Variants in MSI2 observed in about 807,000 individuals in gnomAD.
MSI2 encodes musashi RNA binding protein 2.
In MSI2, 17 loss-of-function variants were observed where a neutral mutation model predicts 45.6. The observed-to-expected ratio is 0.37, with a 90% CI of 0.26 to 0.56. MSI2 has a LOEUF of 0.56. MSI2 is among the 20% of genes least tolerant of loss of function. The pLI is 0.77. For missense variants in MSI2, 293 were observed against 444.2 expected (o/e 0.66, Z 3.06); for synonymous variants, 156 against 158.2 (o/e 0.99, Z 0.11).
At chr17:57,540,196 A>G (rs1156310920) in intron 7 of MSI2, among the ~76,000 whole-genome samples, 1 of 152,242 alleles carries the variant, frequency 6.6e-6, no homozygotes, top group Non-Finnish European at 1.5e-5. Flanking sequence ...TAAGTGAGAT[A>G]GTTTATCTGT....
intron 5 of MSI2, among the ~76,000 whole-genome samples, chr17:57,394,436 C>A (rs1184114232): frequency 6.6e-6 from 1 of 152,148 alleles, no homozygotes; most frequent in Non-Finnish European, 1.5e-5. Flanking sequence ...TCAGGCCTGG[C>A]CCACAGATGA....
chr17:57,578,479 G>C (rs1384175869), intron 7 of MSI2, among the ~76,000 whole-genome samples: 3 of 151,790 alleles, frequency 2.0e-5, no homozygotes, highest in African/African-American at 4.8e-5. Context: ...GCCAGGACTG[G>C]GGGGGTAGGA....
intron 6 of MSI2, among the ~76,000 whole-genome samples, chr17:57,518,278 A>T (rs2143987005): frequency 6.6e-6 from 1 of 152,232 alleles, no homozygotes; most frequent in East Asian, 1.9e-4. Flanking sequence ...TAAAATTGGG[A>T]TTGGAACCAA....
intron 5 of MSI2, among the ~76,000 whole-genome samples, chr17:57,282,835 C>T (rs868596385): frequency 4.3e-5 from 4 of 92,754 alleles, no homozygotes; most frequent in African/African-American, 4.3e-5. Context: ...GGGGGGCAGA[C>T]TTTTTTTTTT....
chr17:57,628,392 C>G (rs934372803), intron 10 of MSI2: 2 of 152,144 alleles, frequency 1.3e-5, no homozygotes, highest in African/African-American at 4.8e-5. Flanking sequence ...TTGCCTCAGA[C>G]CAAGCATTGG....
At chr17:57,378,273 AT>A (rs891665151) in intron 5 of MSI2, among the ~76,000 whole-genome samples, 3 of 150,830 alleles carry the variant, frequency 2.0e-5, no homozygotes, top group Admixed American at 6.6e-5. Context: ...TGTTTTTATT[AT>A]TTTTTTTGAG....
chr17:57,307,356 G>C (rs1481994663), intron 5 of MSI2, among the ~76,000 whole-genome samples: 4 of 152,304 alleles, frequency 2.6e-5, no homozygotes, highest in Middle Eastern at 6.8e-3. Flanking sequence ...CCAGGAAGAA[G>C]CAATTCTGCT....
intron 6 of MSI2, among the ~76,000 whole-genome samples, chr17:57,432,827 C>T (rs2084623176): frequency 6.6e-6 from 1 of 152,186 alleles, no homozygotes; most frequent in Non-Finnish European, 1.5e-5. Context: ...GTGTTCACTC[C>T]TTCTCTCTTC....
chr17:57,694,593 A>C, the MSI2 span, among the ~76,000 whole-genome samples: 1 of 152,196 alleles, frequency 6.6e-6, no homozygotes, highest in Non-Finnish European at 1.5e-5. Flanking sequence ...CTTTTTGGCA[A>C]AATACCTTTT....
At chr17:57,659,582 A>G (rs1291511932) in intron 11 of MSI2, among the ~76,000 whole-genome samples, 1 of 152,170 alleles carries the variant, frequency 6.6e-6, no homozygotes, top group Non-Finnish European at 1.5e-5. Flanking sequence ...GTTACCGGAG[A>G]GCAAGGCTTT....
chr17:57,293,252 A>G (rs1200546104), intron 5 of MSI2, among the ~76,000 whole-genome samples: 2 of 152,032 alleles, frequency 1.3e-5, no homozygotes, highest in African/African-American at 4.8e-5. Context: ...TCAGGGCCCT[A>G]CTGTTGGAAT....
At chr17:57,523,582 A>G (rs1476937016) in intron 6 of MSI2, 2 of 152,250 alleles carry the variant, frequency 1.3e-5, no homozygotes, top group Non-Finnish European at 2.9e-5. Flanking sequence ...GCTGATTTTC[A>G]CGGTGCTCAT....
At chr17:57,515,517 T>G (rs980051962) in intron 6 of MSI2, among the ~76,000 whole-genome samples, 2 of 152,198 alleles carry the variant, frequency 1.3e-5, no homozygotes, top group Non-Finnish European at 2.9e-5. Flanking sequence ...ATCTGAATTC[T>G]TTTCTTTATC....
At chr17:57,637,517 A>G (rs1206974179) in intron 10 of MSI2, among the ~76,000 whole-genome samples, 1 of 152,210 alleles carries the variant, frequency 6.6e-6, no homozygotes, top group Non-Finnish European at 1.5e-5. Flanking sequence ...TCCTCTGCAT[A>G]AATAAACGGA....
chr17:57,351,763 G>A (rs1916049864), intron 5 of MSI2, among the ~76,000 whole-genome samples: 1 of 152,224 alleles, frequency 6.6e-6, no homozygotes, highest in African/African-American at 2.4e-5. Context: ...GGCTGAGGAA[G>A]GAGAAGCGTT....
At chr17:57,458,993 T>C (rs1018145892) in intron 6 of MSI2, among the ~76,000 whole-genome samples, 5 of 152,246 alleles carry the variant, frequency 3.3e-5, no homozygotes, top group Admixed American at 1.3e-4. Flanking sequence ...AGTGGTTGTT[T>C]TGCTGCGTCG....
chr17:57,547,451 G>C (rs1253425740), intron 7 of MSI2, among the ~76,000 whole-genome samples: 1 of 152,118 alleles, frequency 6.6e-6, no homozygotes, highest in Non-Finnish European at 1.5e-5. Flanking sequence ...TCTTGGGTGA[G>C]GGTTGTACAG....
At chr17:57,485,713 G>A (rs1049468940) in intron 6 of MSI2, among the ~76,000 whole-genome samples, 2 of 152,226 alleles carry the variant, frequency 1.3e-5, no homozygotes, top group African/African-American at 2.4e-5. Context: ...GACCACAGGA[G>A]TGTGGTTCCA....
At chr17:57,624,133 C>T (rs764954333) in intron 9 of MSI2, among the ~76,000 whole-genome samples, 3 of 152,160 alleles carry the variant, frequency 2.0e-5, no homozygotes, top group Non-Finnish European at 4.4e-5. Context: ...TATTTGTCAC[C>T]TAAGTGCAGG....
Sources: allele counts gnomAD v4.1 joint callset (sites outside exome capture counted in the v4.1 genomes callset), GRCh38; gene constraint gnomAD v4.1.1; transcripts MANE v1.5; gene names NCBI Gene and HGNC (gene_info 2026-07-23, HGNC 2026-07-21).